The following PTGR2 variants were observed in gnomAD, a reference collection of about 807,000 sequenced individuals.
The protein encoded by PTGR2 is 15-oxoprostaglandin 13-reductase.
A neutral mutation model predicts 43.4 loss-of-function variants in PTGR2; 32 were observed. That is an observed-to-expected ratio of 0.74 (90% CI 0.56 to 0.99). The LOEUF is 0.99. Among genes scored for constraint, PTGR2 ranks in the 50% least tolerant of loss-of-function variants. The pLI, the probability that PTGR2 is intolerant of heterozygous loss-of-function variation, is 0.00. For synonymous variants in PTGR2, 106 were observed against 139.2 expected, an observed-to-expected ratio of 0.76 and a Z score of 1.68; for missense variants, 373 against 420.0, an observed-to-expected ratio of 0.89 and a Z score of 0.98.
intron 1 of PTGR2, among the ~76,000 whole-genome samples, chr14:73,856,229 T>C (rs2054343005): frequency 6.6e-6 from 1 of 151,958 alleles, no homozygotes; most frequent in Admixed American, 6.6e-5. Context: ...TATATAGGTA[T>C]ACCATTTTAA....
At chr14:73,863,916 G>A (rs1288974092) in intron 3 of PTGR2, among the ~76,000 whole-genome samples, 2 of 151,906 alleles carry the variant, frequency 1.3e-5, no homozygotes, top group Admixed American at 6.6e-5. Flanking sequence ...ACACCTGGCC[G>A]ACTCATATCT....
intron 1 of PTGR2, among the ~76,000 whole-genome samples, chr14:73,852,927 G>A (rs1478062610): frequency 6.6e-6 from 1 of 152,148 alleles, no homozygotes. Context: ...CTGGGTTCAG[G>A]CAGTTCTCCA....
intron 3 of PTGR2, among the ~76,000 whole-genome samples, chr14:73,870,354 T>A (rs2054700019): frequency 6.6e-6 from 1 of 151,928 alleles, no homozygotes; most frequent in African/African-American, 2.4e-5. Flanking sequence ...AATTTTTGTA[T>A]TTTTTAGTAG....
intron 9 of PTGR2, among the ~76,000 whole-genome samples, chr14:73,883,765 C>T (rs1190866709): frequency 1.3e-5 from 2 of 152,150 alleles, no homozygotes; most frequent in South Asian, 2.1e-4. Context: ...GGATTACAGT[C>T]GTGAGGCCCC....
intron 5 of PTGR2, 190 bp from the exon 6 acceptor site, chr14:73,878,906 A>AT (rs1023350086): frequency 2.8e-4 from 153 of 554,440 alleles, no homozygotes; most frequent in East Asian, 3.0e-4. Context: ...AATTTTAATA[A>AT]TTTTTTTTTA....
chr14:73,867,872 A>G (rs1166524681), intron 3 of PTGR2, among the ~76,000 whole-genome samples: 1 of 152,220 alleles, frequency 6.6e-6, no homozygotes, highest in Non-Finnish European at 1.5e-5. Context: ...CACTGCAGCC[A>G]GAATGCCAGA....
intron 3 of PTGR2, among the ~76,000 whole-genome samples, chr14:73,865,736 CTT>C (rs956932039): frequency 6.9e-6 from 1 of 145,220 alleles, no homozygotes. Context: ...CGTGTCAGCA[CTT>C]TTTTTTTTTT....
intron 1 of PTGR2, among the ~76,000 whole-genome samples, chr14:73,854,251 C>T (rs556353109): frequency 2.5e-4 from 38 of 151,902 alleles, no homozygotes; most frequent in Middle Eastern, 6.8e-3. Flanking sequence ...TACAGGCACC[C>T]GCCACCACGC....
chr14:73,879,943 A>G, intron 6 of PTGR2, 112 bp from the exon 7 acceptor site: 1 of 1,036,912 alleles, frequency 9.6e-7, no homozygotes, highest in South Asian at 1.6e-5. Context: ...TAAAAAAAAA[A>G]TCGAACTAGT....
intron 8 of PTGR2, among the ~76,000 whole-genome samples, chr14:73,881,718 A>T (rs1040861528): frequency 2.0e-5 from 3 of 146,474 alleles, no homozygotes; most frequent in African/African-American, 7.6e-5. Flanking sequence ...TTAGTTGTTG[A>T]TCGAAAATCA....
chr14:73,881,175 T>C (rs1420722999), intron 7 of PTGR2, 30 bp from the exon 8 acceptor site: 4 of 1,322,688 alleles, frequency 3.0e-6, no homozygotes, highest in Non-Finnish European at 4.4e-6. Context: ...TTATATTCTC[T>C]GATCATTATC....
intron 4 of PTGR2, among the ~76,000 whole-genome samples, chr14:73,876,163 C>T (rs1426402082): frequency 6.6e-6 from 1 of 152,058 alleles, no homozygotes; most frequent in Non-Finnish European, 1.5e-5. Context: ...GTTTTTTACT[C>T]TTTACAAATA....
rs757613638 is a variant in PTGR2, at chr14:73,876,998, G to A, written c.349G>A (p.Val117Ile). 1.2e-6 allele frequency: 2 copies of A among 1,609,518 alleles called. No individual in the cohort carries two copies. Among genetic ancestry groups the A allele is most frequent in the Non-Finnish European group, 8.5e-7 (1 of 1,177,972 alleles). Reference protein sequence around the residue: ...VILDGNSLEKVDPQLVDGHLS... With the variant: ...VILDGNSLEKIDPQLVDGHLS... ...TTAAAGGGTATATATTTTATTTTAG[G>A]TAGACCCACAACTTGTGGATGGACA... Residue 117 changes from valine to isoleucine, a missense_variant and splice_region_variant, in exon 5 of 10, where the codon GTA (valine) becomes ATA (isoleucine). By Grantham distance (29) the Val-to-Ile change is conservative. Coordinates refer to ENST00000555661, the MANE Select transcript of PTGR2 (RefSeq NM_001146154.2).
intron 1 of PTGR2, among the ~76,000 whole-genome samples, chr14:73,854,148 G>A (rs1393683609): frequency 6.6e-6 from 1 of 151,792 alleles, no homozygotes; most frequent in Non-Finnish European, 1.5e-5. Context: ...TGTCCCCCAG[G>A]CTTGAGTGCA....
intron 3 of PTGR2, among the ~76,000 whole-genome samples, chr14:73,872,509 G>A (rs569175909): frequency 3.3e-5 from 5 of 152,242 alleles, no homozygotes; most frequent in South Asian, 4.1e-4. Context: ...CTGGTATAAC[G>A]TGTATAATAT....
intron 3 of PTGR2, among the ~76,000 whole-genome samples, chr14:73,870,032 G>GA (rs779998739): frequency 0.024 from 3,391 of 143,398 alleles, 52 homozygotes; most frequent in Middle Eastern, 0.062. Context: ...GTCTCAGAGA[G>GA]AAAAAAAAAA....
At position 73,884,148 on chromosome 14, in the gene PTGR2, G is replaced by GTT. The variant is rs753609613; in HGVS notation, c.1029_1030dup (p.Cys344PhefsTer40). 1.2e-6 allele frequency: 2 copies of GTT among 1,607,034 alleles called. No individual in the cohort carries two copies. The highest frequency in any genetic ancestry group is 2.7e-5 in the African/African-American group (2 of 74,724). On this transcript the variant is annotated frameshift_variant, in exon 10 of 10. Transcript: ENST00000555661. ...AGGAGGTAACATTGGAAAGCAGATA[G>GTT]TTTGCATTTCAGAAGAAATCTCTTT...
At chr14:73,878,695 T>A in intron 5 of PTGR2, 1 of 421,620 alleles carries the variant, frequency 2.4e-6, no homozygotes, top group South Asian at 1.9e-5. Context: ...CAACTGGTAC[T>A]CTACGGTGTA....
intron 1 of PTGR2, chr14:73,858,004 G>A (rs2054401191): frequency 6.6e-6 from 1 of 151,994 alleles, no homozygotes; most frequent in African/African-American, 2.4e-5. Context: ...TAGATTAACT[G>A]CTAGCTCTGG....
Sources: gnomAD v4.1 joint callset for allele counts (sites outside exome capture counted in the v4.1 genomes callset) on GRCh38, gnomAD v4.1.1 for gene constraint, MANE v1.5 for transcripts, NCBI Gene and HGNC (gene_info 2026-07-23, HGNC 2026-07-21) for gene names.